The following NUMB variants were observed in gnomAD, a reference collection of about 807,000 sequenced individuals.
NUMB encodes the protein protein numb homolog.
In NUMB, 29 loss-of-function variants were observed where a neutral mutation model predicts 59.7. That is an observed-to-expected ratio of 0.49 (90% CI 0.36 to 0.66). The LOEUF (loss-of-function observed/expected upper bound fraction) is 0.66. Ranked by LOEUF, NUMB falls within the 30% of genes least tolerant of loss-of-function variation. The probability of loss-of-function intolerance (pLI) is 0.00; values close to 1 mark genes in which losing one functional copy is unlikely to be tolerated. For synonymous variants in NUMB, 288 were observed against 288.2 expected, an observed-to-expected ratio of 1.00 and a Z score of 0.01; for missense variants, 723 against 822.0, an observed-to-expected ratio of 0.88 and a Z score of 1.47.
chr14:73,361,578 C>G (rs879868721), intron 3 of NUMB, among the ~76,000 whole-genome samples: 2 of 151,932 alleles, frequency 1.3e-5, no homozygotes, highest in Non-Finnish European at 2.9e-5. Context: ...AGCCCAGTAC[C>G]CAGTAGTTAT....
chr14:73,287,295 G>C lies in NUMB; in HGVS notation c.470C>G (p.Ala157Gly). ...ACAGGCTGCAAAAGCACAGCCTACT[G>C]CATGGCTCAACCTTTCACCCTGTAA... ...VKDTGERLSH[A>G]VGCAFAACLE... The change falls in exon 9 of 13, where the codon GCA becomes GGA. Residue 157 changes from alanine (A) to glycine (G), a missense_variant. Coordinates refer to ENST00000555238, the MANE Select transcript of NUMB (RefSeq NM_001005743.2). The C allele has an allele frequency of 6.2e-7, 1 of 1,613,110 alleles. No homozygotes were observed. Among genetic ancestry groups the C allele is most frequent in the Non-Finnish European group, 8.5e-7 (1 of 1,179,476 alleles).
At chr14:73,290,803 G>C (rs1394854871) in intron 8 of NUMB, among the ~76,000 whole-genome samples, 1 of 152,116 alleles carries the variant, frequency 6.6e-6, no homozygotes, top group East Asian at 1.9e-4. Context: ...AATCCGAAAA[G>C]CCAAAATCCA....
At chr14:73,299,874 T>C (rs1890032448) in intron 6 of NUMB, among the ~76,000 whole-genome samples, 1 of 152,142 alleles carries the variant, frequency 6.6e-6, no homozygotes, top group Non-Finnish European at 1.5e-5. Context: ...GGCTTTGGAT[T>C]AAGACAAATA....
At chr14:73,434,585 G>A (rs1897972001) in intron 1 of NUMB, among the ~76,000 whole-genome samples, 1 of 152,112 alleles carries the variant, frequency 6.6e-6, no homozygotes, top group South Asian at 2.1e-4. Flanking sequence ...GTACCTCTAG[G>A]CTGGGTGCAG....
rs886421086 is a variant in NUMB at position 73,276,693 on chromosome 14, T to A, written c.1841A>T (p.Asp614Val). The part of the protein sequence containing the change: ...TEVPTGTCPV[D>V]PFEAQWAALE... ...TGCAGCCCACTGGGCTTCAAAAGGATCCACTGGGCAGGTGCCTGTAGGAAC... is the reference window on the plus strand; with the variant it reads ...TGCAGCCCACTGGGCTTCAAAAGGAACCACTGGGCAGGTGCCTGTAGGAAC... The change falls in exon 13 of 13, where the codon GAT becomes GTT. Residue 614 changes from aspartate (D) to valine (V), a missense_variant. Asp to Val is a radical substitution (Grantham distance 152). Transcript: ENST00000555238. The A allele has an allele frequency of 6.2e-7, 1 of 1,614,038 alleles. No individual in the cohort carries two copies. The highest frequency in any genetic ancestry group is 8.5e-7 in the Non-Finnish European group (1 of 1,180,022).
chr14:73,323,142 T>C lies in NUMB; in HGVS notation c.189A>G (p.Lys63=), dbSNP rs757068491. The C allele has an allele frequency of 1.2e-6, 2 of 1,612,390 alleles. No homozygotes were observed. The highest frequency in any genetic ancestry group is 8.5e-7 in the Non-Finnish European group (1 of 1,178,596). Residue 63 remains lysine, a synonymous_variant, in exon 5 of 13, where the codon AAA becomes AAG. Transcript: ENST00000555238. ...RGMHICEDAV[K]RLKAERKFFK... ...ATCAAATACATACAGCTTTCAATCT[T>C]TTTACAGCATCTTCACAGATGTGCA... is the stretch of plus-strand genomic sequence containing the variant.
At position 73,325,656 on chromosome 14, in the gene NUMB, C is replaced by T. The variant is rs190199687; in HGVS notation, c.127-2452G>A. On this transcript the variant is annotated intron_variant, in intron 4 of 12. Coordinates refer to ENST00000555238, the MANE Select transcript of NUMB (RefSeq NM_001005743.2). ...TAGGTTGACAAGCCTGAACTTCTAGCCAGAAATCCAAAAGCGAGTGCTGTG... is the reference window on the plus strand; with the variant it reads ...TAGGTTGACAAGCCTGAACTTCTAGTCAGAAATCCAAAAGCGAGTGCTGTG... 5.1e-4 allele frequency among the ~76,000 whole-genome samples: 77 copies of T among 152,256 alleles called. 1 individual carries two copies. The highest frequency in any genetic ancestry group is 6.3e-4 in the Non-Finnish European group (43 of 68,018).
At chr14:73,336,086 T>G (rs979541567) in intron 4 of NUMB, among the ~76,000 whole-genome samples, 4 of 152,112 alleles carry the variant, frequency 2.6e-5, no homozygotes, top group Non-Finnish European at 4.4e-5. Flanking sequence ...TGACATAAGG[T>G]GTCCAAAAAG....
intron 8 of NUMB, among the ~76,000 whole-genome samples, chr14:73,290,151 C>T (rs1410759038): frequency 1.3e-5 from 2 of 152,186 alleles, no homozygotes; most frequent in African/African-American, 4.8e-5. Flanking sequence ...TATCTGGAAA[C>T]TCTTGAACTC....
At chr14:73,334,732 G>C (rs146703192) in intron 4 of NUMB, among the ~76,000 whole-genome samples, 3 of 152,012 alleles carry the variant, frequency 2.0e-5, no homozygotes, top group Non-Finnish European at 4.4e-5. Context: ...ATCACCTGAA[G>C]TCAGGAGTTC....
chr14:73,280,605 G>A (rs1210772671), intron 11 of NUMB, among the ~76,000 whole-genome samples: 1 of 150,236 alleles, frequency 6.7e-6, no homozygotes, highest in Non-Finnish European at 1.5e-5. Context: ...TCAGTTTGGT[G>A]TAGACAAGCA....
At chr14:73,456,500 A>G (rs1884386169) in intron 1 of NUMB, among the ~76,000 whole-genome samples, 1 of 152,266 alleles carries the variant, frequency 6.6e-6, no homozygotes, top group Admixed American at 6.5e-5. Flanking sequence ...CCTAGTACAT[A>G]CATGTAGGAG....
At chr14:73,438,721 A>T (rs894245778) in intron 1 of NUMB, among the ~76,000 whole-genome samples, 4 of 152,008 alleles carry the variant, frequency 2.6e-5, no homozygotes, top group African/African-American at 7.2e-5. Context: ...CAGCCTCCAA[A>T]ATTATCTATA....
At chr14:73,365,161 T>C (rs1384080996) in intron 3 of NUMB, among the ~76,000 whole-genome samples, 1 of 152,166 alleles carries the variant, frequency 6.6e-6, no homozygotes, top group African/African-American at 2.4e-5. Context: ...TGCCTCAGCC[T>C]GCTAAGTAGC....
intron 4 of NUMB, 125 bp from the exon 5 acceptor site, chr14:73,323,329 A>G (rs575304467): frequency 1.7e-6 from 1 of 592,394 alleles, no homozygotes; most frequent in Non-Finnish European, 2.9e-6. Flanking sequence ...GAAATCTGAA[A>G]CACTTCTGGG....
At chr14:73,426,202 A>G (rs539456059) in intron 1 of NUMB, among the ~76,000 whole-genome samples, 20 of 152,284 alleles carry the variant, frequency 1.3e-4, no homozygotes, top group African/African-American at 4.6e-4. Context: ...ATTCACCCAA[A>G]TAACTATATA....
At chr14:73,358,686 TCTTCTTA>T (rs1246537556) in intron 3 of NUMB, among the ~76,000 whole-genome samples, 1 of 151,800 alleles carries the variant, frequency 6.6e-6, no homozygotes, top group Non-Finnish European at 1.5e-5. Flanking sequence ...ATTAATACCT[TCTTCTTA>T]CTTCTATTAT....
At chr14:73,402,744 T>C (rs1179481287) in intron 2 of NUMB, among the ~76,000 whole-genome samples, 2 of 152,228 alleles carry the variant, frequency 1.3e-5, no homozygotes, top group African/African-American at 4.8e-5. Context: ...ATAAACTCAG[T>C]AACTTGCCCA....
At chr14:73,433,003 A>G (rs1158156152) in intron 1 of NUMB, among the ~76,000 whole-genome samples, 1 of 152,062 alleles carries the variant, frequency 6.6e-6, no homozygotes, top group Admixed American at 6.6e-5. Context: ...TCAGGAGTTC[A>G]AGACCAGCCC....
Sources: gnomAD v4.1 joint callset for allele counts (sites outside exome capture counted in the v4.1 genomes callset) on GRCh38, gnomAD v4.1.1 for gene constraint, MANE v1.5 for transcripts, NCBI Gene and HGNC (gene_info 2026-07-23, HGNC 2026-07-21) for gene names.